GPX2: variants seen among roughly 807,000 people sequenced by gnomAD.
GPX2 encodes the protein gastrointestinal glutathione peroxidase.
GPX2 carries 21 observed loss-of-function variants against 14.1 expected under a neutral mutation model. That is an observed-to-expected ratio of 1.48 (90% CI 1.05 to 2.14). The LOEUF is 2.14. Among genes scored for constraint, GPX2 ranks in the 30% most tolerant of loss-of-function variants. GPX2 has a pLI of 0.00. For synonymous variants in GPX2, 94 were observed against 95.2 expected (o/e 0.99, Z 0.07); for missense variants, 241 against 249.8 (o/e 0.96, Z 0.24).
At position 64,940,227 on chromosome 14, in the gene GPX2, A is replaced by G. The variant is rs1885556293; in HGVS notation, c.223-389T>C. On this transcript the variant is annotated intron_variant, in intron 1 of 1. Transcript: ENST00000389614. This position sits in a 1 kb window ranked among gnomAD's most constrained non-coding sequence, Gnocchi z 4.5. ...AAGGTGTTTGAAGCAGAAGAAAGAGAAAAGAGGCTTAGGTTATACTGCTTA... is the reference window on the plus strand; with the variant it reads ...AAGGTGTTTGAAGCAGAAGAAAGAGGAAAGAGGCTTAGGTTATACTGCTTA... The G allele has an allele frequency of 1.6e-6, 2 of 1,282,402 alleles. No individual in the cohort carries two copies. The highest frequency in any genetic ancestry group is 2.0e-6 in the Non-Finnish European group (2 of 980,774). The allele number at this position is 1,282,402 out of a possible 1,614,324, so 79.4% of individuals were successfully genotyped here. A position where few individuals can be genotyped will look rare whatever the true frequency, so the allele number is the denominator to read the frequency against.
rs1885544185 is a variant in GPX2 at position 64,940,066 on chromosome 14, G to A, written c.223-228C>T. ...TTAGTAGCTGAGACTACAGACACAGGCCACCATGCCCGGCTAATTTTTTTT... is the reference window on the plus strand; with the variant it reads ...TTAGTAGCTGAGACTACAGACACAGACCACCATGCCCGGCTAATTTTTTTT... On this transcript the variant is annotated intron_variant, in intron 1 of 1. Coordinates refer to ENST00000389614, the MANE Select transcript of GPX2 (RefSeq NM_002083.4). This position sits in a 1 kb window ranked among gnomAD's most constrained non-coding sequence, Gnocchi z 4.5. The A allele has an allele frequency of 2.0e-6, 3 of 1,468,932 alleles. No homozygotes were observed. The highest frequency in any genetic ancestry group is 2.7e-6 in the Non-Finnish European group (3 of 1,104,622). The allele number at this position is 1,468,932 out of a possible 1,614,324, so 91.0% of individuals were successfully genotyped here. A position where few individuals can be genotyped will look rare whatever the true frequency, so the allele number is the denominator to read the frequency against.
chr14:64,942,672 C>G lies in GPX2; in HGVS notation c.55G>C (p.Glu19Gln). The change falls in exon 1 of 2, where the codon GAG (glutamate) becomes CAG (glutamine). Residue 19 changes from glutamate (E) to glutamine (Q), a missense_variant. Physicochemically the swap from Glu to Gln is conservative, Grantham distance 29 (BLOSUM62 2). Coordinates refer to ENST00000389614, the MANE Select transcript of GPX2 (RefSeq NM_002083.4). ...YDLSAISLDG[E>Q]KVDFNTFRGR... is the part of the protein sequence containing the mutation. ...CGGAACGTATTGAAATCTACCTTCT[C>G]CCCATCCAGGCTGATGGCACTGAGG... 6.2e-7 allele frequency: 1 copy of G among 1,614,206 alleles called. No individual in the cohort carries two copies. Among genetic ancestry groups the G allele is most frequent in the Non-Finnish European group, 8.5e-7 (1 of 1,180,026 alleles).
chr14:64,942,178 C>T (rs1885686425), intron 1 of GPX2, among the ~76,000 whole-genome samples: 1 of 152,202 alleles, frequency 6.6e-6, no homozygotes, highest in African/African-American at 2.4e-5. Flanking sequence ...ACTTTCTCCA[C>T]TCATTTATTC....
At position 64,939,631 on chromosome 14, in the gene GPX2, G is replaced by A; in HGVS notation, c.430C>T (p.Pro144Ser). 1 of 1,614,128 alleles carries A rather than the reference G, an allele frequency of 6.2e-7. No homozygotes were observed. The highest frequency in any genetic ancestry group is 8.5e-7 in the Non-Finnish European group (1 of 1,180,038). The change falls in exon 2 of 2, where the codon CCT (proline) becomes TCT (serine). Residue 144 changes from proline (P) to serine (S), a missense_variant. Physicochemically the swap from Pro to Ser is moderately conservative, Grantham distance 74 (BLOSUM62 -1). Transcript: ENST00000389614. This position sits in a 1 kb window ranked among gnomAD's most constrained non-coding sequence, Gnocchi z 5.7. The stretch of plus-strand genomic sequence containing the variant: ...CAGGCCACATCTGAGCGGCGCACAG[G>A]GCTCCAAATGATGAGCTTGGGATCG... ...MTDPKLIIWSPVRRSDVAWNF... is the reference protein window; with the variant it reads ...MTDPKLIIWSSVRRSDVAWNF...
chr14:64,942,641 C>G lies in GPX2; in HGVS notation c.86G>C (p.Arg29Thr). The G allele has an allele frequency of 6.2e-7, 1 of 1,614,242 alleles. No homozygotes were observed. Among genetic ancestry groups the G allele is most frequent in the Non-Finnish European group, 8.5e-7 (1 of 1,180,036 alleles). The change falls in exon 1 of 2, where the codon AGG becomes ACG. Residue 29 changes from arginine (R) to threonine (T), a missense_variant. Physicochemically the swap from Arg to Thr is moderately conservative, Grantham distance 71. Transcript: ENST00000389614. The stretch of plus-strand genomic sequence containing the variant: ...AGCCACATTCTCAATCAGCACGGCC[C>G]TGCCCCGGAACGTATTGAAATCTAC... ...EKVDFNTFRGRAVLIENVASL... is the reference protein window; with the variant it reads ...EKVDFNTFRGTAVLIENVASL...
Position 64,942,541 on chromosome 14 carries a change from C to A in GPX2, c.186G>T (p.Val62=). ...ATTGGTTGCAAGGGAAGCCAAGGAC[C>A]ACCAGGCGCCTGGGAAAGCGGCATT... is the stretch of plus-strand genomic sequence containing the variant. ...ELQCRFPRRL[V]VLGFPCNQFG... Residue 62 remains valine, a synonymous_variant, in exon 1 of 2, where the codon GTG becomes GTT. Transcript: ENST00000389614. 2 of 1,614,190 alleles carry A rather than the reference C, an allele frequency of 1.2e-6. No homozygotes were observed. Among genetic ancestry groups the A allele is most frequent in the South Asian group, 2.2e-5 (2 of 91,086 alleles).
In GPX2 at chr14:64,939,954, T is replaced by TGAAG. The variant is rs1555384836; in HGVS notation, c.223-117_223-116insCTTC. 1 of 1,434,952 alleles carries TGAAG rather than the reference T, an allele frequency of 7.0e-7. No individual in the cohort carries two copies. The highest frequency in any genetic ancestry group is 1.7e-5 in the African/African-American group (1 of 60,490). The allele number at this position is 1,434,952 out of a possible 1,614,324, so 88.9% of individuals were successfully genotyped here. On this transcript the variant is annotated intron_variant, in intron 1 of 1. Transcript: ENST00000389614. The surrounding 1 kb of genome is among the most constrained non-coding windows in gnomAD (Gnocchi z 5.7). Reference sequence around the variant, plus strand: ...TCCCCAGGGTCATTCTTTTTCACTGTGAAAGAGAGAGAGACAAGACAGACG... The same window carrying TGAAG: ...TCCCCAGGGTCATTCTTTTTCACTGTGAAGGAAAGAGAGAGAGACAAGACAGACG...
Position 64,939,839 on chromosome 14 carries a change from C to T in GPX2, c.223-1G>A. On this transcript the variant is annotated splice_acceptor_variant, in intron 1 of 1. Transcript: ENST00000389614. LOFTEE classifies it high-confidence loss of function. The surrounding 1 kb of genome is among the most constrained non-coding windows in gnomAD (Gnocchi z 5.7). ...GGATCTCCTCATTCTGACAGTTCTC[C>T]TAGGGGAGGAAAAAGACAAAGTGCG... 2 of 1,611,802 alleles carry T rather than the reference C, an allele frequency of 1.2e-6. No homozygotes were observed. The highest frequency in any genetic ancestry group is 1.7e-6 in the Non-Finnish European group (2 of 1,178,418).
rs763145728 is a variant in GPX2, at chr14:64,940,434, G to A, written c.223-596C>T. On this transcript the variant is annotated intron_variant, in intron 1 of 1. Coordinates refer to ENST00000389614, the MANE Select transcript of GPX2 (RefSeq NM_002083.4). This position sits in a 1 kb window ranked among gnomAD's most constrained non-coding sequence, Gnocchi z 4.5. ...ACTGAGGGTGAAATTGAGACCCAGA[G>A]GAATGGGATTTACAGCTTCTTGCTT... Among the ~76,000 whole-genome samples the A allele has an allele frequency of 7.2e-5, 11 of 152,166 alleles. No homozygotes were observed. The highest frequency in any genetic ancestry group is 1.3e-4 in the Non-Finnish European group (9 of 68,042).
rs1318587056 is a variant in GPX2, at chr14:64,942,517, T to G, written c.210A>C (p.Gln70His). 1.2e-6 allele frequency: 2 copies of G among 1,614,056 alleles called. No homozygotes were observed. The highest frequency in any genetic ancestry group is 1.7e-5 in the Admixed American group (1 of 60,022). The change falls in exon 1 of 2, where the codon CAA becomes CAC. Residue 70 changes from glutamine to histidine, a missense_variant. Transcript: ENST00000389614. ...AGGGACCCCTCACCTGATGTCCAAA[T>G]TGGTTGCAAGGGAAGCCAAGGACCA... The part of the protein sequence containing the change: ...RLVVLGFPCN[Q>H]FGHQENCQNE...
In GPX2 at chr14:64,942,535, A is replaced by G. The variant is rs767968595; in HGVS notation, c.192T>C (p.Leu64=). 1.2e-6 allele frequency: 2 copies of G among 1,614,166 alleles called. No homozygotes were observed. Among genetic ancestry groups the G allele is most frequent in the Non-Finnish European group, 1.7e-6 (2 of 1,180,006 alleles). The change falls in exon 1 of 2, where the codon CTT becomes CTC. Residue 64 remains leucine, a synonymous_variant. Coordinates refer to ENST00000389614, the MANE Select transcript of GPX2 (RefSeq NM_002083.4). ...GTCCAAATTGGTTGCAAGGGAAGCC[A>G]AGGACCACCAGGCGCCTGGGAAAGC... ...QCRFPRRLVV[L]GFPCNQFGHQ... is the part of the protein sequence containing the mutation.
chr14:64,942,726 TG>T lies in GPX2; in HGVS notation c.-1del. 1 of 1,612,600 alleles carries T rather than the reference TG, an allele frequency of 6.2e-7. No homozygotes were observed. Among genetic ancestry groups the T allele is most frequent in the Non-Finnish European group, 8.5e-7 (1 of 1,179,058 alleles). On this transcript the variant is annotated 5_prime_UTR_variant, in exon 1 of 2. Coordinates refer to ENST00000389614, the MANE Select transcript of GPX2 (RefSeq NM_002083.4). ...TAGAAGGACTTGGCAATGAAAGCCA[TG>T]GTGAAGCGCAGAGTGAGCCCCGCAG... is the stretch of plus-strand genomic sequence containing the variant.
In GPX2 at chr14:64,939,421, C is replaced by T; in HGVS notation, c.*67G>A. The stretch of plus-strand genomic sequence containing the variant: ...GAGGTCCAGCAGTGTCTCCTGAAGG[C>T]ATGCTGCATCCTAAGGCTCCTCAGG... On this transcript the variant is annotated 3_prime_UTR_variant, in exon 2 of 2. Transcript: ENST00000389614. The surrounding 1 kb of genome is among the most constrained non-coding windows in gnomAD (Gnocchi z 5.7). The T allele has an allele frequency of 8.2e-7, 1 of 1,222,998 alleles. No homozygotes were observed. The highest frequency in any genetic ancestry group is 1.2e-6 in the Non-Finnish European group (1 of 845,592). The allele number at this position is 1,222,998 out of a possible 1,614,324, so 75.8% of individuals were successfully genotyped here.
rs1439405297 is a variant in GPX2 at position 64,940,243 on chromosome 14, A to T, written c.223-405T>A. ...AAGAAAGAGAAAAGAGGCTTAGGTT[A>T]TACTGCTTAGAACCTCCTCTTCAAC... On this transcript the variant is annotated intron_variant, in intron 1 of 1. Coordinates refer to ENST00000389614, the MANE Select transcript of GPX2 (RefSeq NM_002083.4). The surrounding 1 kb of genome is among the most constrained non-coding windows in gnomAD (Gnocchi z 4.5). The T allele has an allele frequency of 8.4e-7, 1 of 1,186,488 alleles. No homozygotes were observed. Among genetic ancestry groups the T allele is most frequent in the South Asian group, 1.3e-5 (1 of 78,918 alleles). The allele number at this position is 1,186,488 out of a possible 1,614,324, so 73.5% of individuals were successfully genotyped here.
chr14:64,940,782 C>G lies in GPX2; in HGVS notation c.223-944G>C, dbSNP rs1885590337. 6.6e-6 allele frequency among the ~76,000 whole-genome samples: 1 copy of G among 152,166 alleles called. No homozygotes were observed. Among genetic ancestry groups the G allele is most frequent in the African/African-American group, 2.4e-5 (1 of 41,438 alleles). ...AAGACTGCTGCACCTCCTATCCACT[C>G]ACTGCTCTCAGCTACGCATGCTTTG... On this transcript the variant is annotated intron_variant, in intron 1 of 1. Coordinates refer to ENST00000389614, the MANE Select transcript of GPX2 (RefSeq NM_002083.4). The surrounding 1 kb of genome is among the most constrained non-coding windows in gnomAD (Gnocchi z 4.5).
In GPX2 at chr14:64,942,527, G is replaced by A; in HGVS notation, c.200C>T (p.Pro67Leu). 1 of 1,614,150 alleles carries A rather than the reference G, an allele frequency of 6.2e-7. No individual in the cohort carries two copies. Among genetic ancestry groups the A allele is most frequent in the Non-Finnish European group, 8.5e-7 (1 of 1,180,016 alleles). The change falls in exon 1 of 2, where the codon CCT becomes CTT. Residue 67 changes from proline (P) to leucine (L), a missense_variant. Transcript: ENST00000389614. ...FPRRLVVLGF[P>L]CNQFGHQENC... is the part of the protein sequence containing the mutation. ...CACCTGATGTCCAAATTGGTTGCAA[G>A]GGAAGCCAAGGACCACCAGGCGCCT...
chr14:64,940,100 T>TTTTTTTTTTTTTTC lies in GPX2; in HGVS notation c.223-263_223-262insGAAAAAAAAAAAAA. On this transcript the variant is annotated intron_variant, in intron 1 of 1. Coordinates refer to ENST00000389614, the MANE Select transcript of GPX2 (RefSeq NM_002083.4). This position sits in a 1 kb window ranked among gnomAD's most constrained non-coding sequence, Gnocchi z 4.5. ...CCCGGCTAATTTTTTTTTTTTTTTG[T>TTTTTTTTTTTTTTC]AGAGATGGGGTCTCACTTTGTTGCC... The TTTTTTTTTTTTTTC allele has an allele frequency of 7.4e-7, 1 of 1,352,774 alleles. No individual in the cohort carries two copies. Among genetic ancestry groups the TTTTTTTTTTTTTTC allele is most frequent in the Non-Finnish European group, 9.8e-7 (1 of 1,021,466 alleles). The allele number at this position is 1,352,774 out of a possible 1,614,324, so 83.8% of individuals were successfully genotyped here. A position where few individuals can be genotyped will look rare whatever the true frequency, so the allele number is the denominator to read the frequency against.
chr14:64,939,704 C>T lies in GPX2; in HGVS notation c.357G>A (p.Leu119=). ...CATAAGGGTAGGGGAGCTTGTCCTTCAGGTAGGCGAAGACAGGATGCTCGT... is the reference window on the plus strand; with the variant it reads ...CATAAGGGTAGGGGAGCTTGTCCTTTAGGTAGGCGAAGACAGGATGCTCGT... ...GQNEHPVFAY[L]KDKLPYPYDD... The change falls in exon 2 of 2, where the codon CTG becomes CTA. Residue 119 remains leucine, a synonymous_variant. Coordinates refer to ENST00000389614, the MANE Select transcript of GPX2 (RefSeq NM_002083.4). The surrounding 1 kb of genome is among the most constrained non-coding windows in gnomAD (Gnocchi z 5.7). 1 of 1,614,088 alleles carries T rather than the reference C, an allele frequency of 6.2e-7. No individual in the cohort carries two copies. The highest frequency in any genetic ancestry group is 8.5e-7 in the Non-Finnish European group (1 of 1,180,018).
In GPX2 at chr14:64,940,314, C is replaced by T; in HGVS notation, c.223-476G>A. 1.8e-6 allele frequency: 1 copy of T among 554,108 alleles called. No homozygotes were observed. The highest frequency in any genetic ancestry group is 1.5e-5 in the South Asian group (1 of 66,348). 34.3% of individuals were successfully genotyped at this position (554,108 alleles called of 1,614,324 possible). On this transcript the variant is annotated intron_variant, in intron 1 of 1. Transcript: ENST00000389614. The surrounding 1 kb of genome is among the most constrained non-coding windows in gnomAD (Gnocchi z 4.5). ...CCATAAATCCATACCTACACACACA[C>T]CCCTTTCCTTTCCTCTGCCCTGGTT...
Sources: gnomAD v4.1 joint callset for allele counts (sites outside exome capture counted in the v4.1 genomes callset) on GRCh38, gnomAD v4.1.1 for gene constraint, Gnocchi (gnomAD v3.1) non-coding constraint, MANE v1.5 for transcripts, NCBI Gene and HGNC (gene_info 2026-07-23, HGNC 2026-07-21) for gene names.